The following LHFPL6 variants were observed in gnomAD, a reference collection of about 807,000 sequenced individuals.
The protein encoded by LHFPL6 is LHFPL tetraspan subfamily member 6 protein.
LHFPL6 carries 9 observed loss-of-function variants against 20.6 expected under a neutral mutation model. The ratio of observed to expected loss-of-function variants is 0.44; its 90% CI spans 0.26 to 0.76. LHFPL6 has a LOEUF of 0.76. Ranked by LOEUF, LHFPL6 falls within the 30% of genes least tolerant of loss-of-function variation. The pLI is 0.20. For synonymous variants in LHFPL6, 105 were observed against 98.7 expected (o/e 1.06, Z -0.38); for missense variants, 218 against 253.5 (o/e 0.86, Z 0.95).
At chr13:39,472,874 T>A (rs535613232) in intron 2 of LHFPL6, among the ~76,000 whole-genome samples, 8 of 152,218 alleles carry the variant, frequency 5.3e-5, no homozygotes, top group Admixed American at 2.0e-4. Flanking sequence ...GCCTCCCAAA[T>A]TGCTGGGATT....
At chr13:39,583,258 T>C (rs1205099197) in intron 2 of LHFPL6, among the ~76,000 whole-genome samples, 1 of 149,368 alleles carries the variant, frequency 6.7e-6, no homozygotes, top group African/African-American at 2.5e-5. Context: ...CTGCAACCTC[T>C]GCCTCCCAGG....
At chr13:39,554,917 A>G (rs1422469367) in intron 2 of LHFPL6, among the ~76,000 whole-genome samples, 1 of 152,220 alleles carries the variant, frequency 6.6e-6, no homozygotes, top group Non-Finnish European at 1.5e-5. Context: ...CTCATACAAC[A>G]GTACAATGCT....
intron 2 of LHFPL6, among the ~76,000 whole-genome samples, chr13:39,414,592 ACTTCTT>A (rs10547966): frequency 2.0e-5 from 3 of 151,828 alleles, no homozygotes; most frequent in African/African-American, 7.3e-5. Context: ...TACTGTTTTC[ACTTCTT>A]CTTCTTATTT....
chr13:39,576,133 T>C (rs1872106820), intron 2 of LHFPL6, among the ~76,000 whole-genome samples: 1 of 152,184 alleles, frequency 6.6e-6, no homozygotes, highest in Admixed American at 6.5e-5. Flanking sequence ...TTGGGACTTG[T>C]TCCTATGTCT....
At chr13:39,448,754 G>A (rs746181782) in intron 2 of LHFPL6, among the ~76,000 whole-genome samples, 12 of 152,298 alleles carry the variant, frequency 7.9e-5, no homozygotes, top group Middle Eastern at 3.4e-3. Flanking sequence ...AATCCAACCA[G>A]ATCATTTGGA....
intron 2 of LHFPL6, among the ~76,000 whole-genome samples, chr13:39,439,256 C>A (rs1460951023): frequency 6.6e-6 from 1 of 152,208 alleles, no homozygotes; most frequent in African/African-American, 2.4e-5. Flanking sequence ...GTAATGATTG[C>A]CCTGCTGGGT....
intron 2 of LHFPL6, among the ~76,000 whole-genome samples, chr13:39,383,130 A>AGTC (rs1227753219): frequency 6.6e-6 from 1 of 152,230 alleles, no homozygotes; most frequent in Non-Finnish European, 1.5e-5. Flanking sequence ...CACGAAAAAG[A>AGTC]GTCAGAAGAC....
intron 2 of LHFPL6, among the ~76,000 whole-genome samples, chr13:39,438,141 T>C (rs553352333): frequency 6.6e-6 from 1 of 152,282 alleles, no homozygotes; most frequent in South Asian, 2.1e-4. Flanking sequence ...AGGTCTCAGA[T>C]GGAAATCAGG....
In LHFPL6 at chr13:39,378,517, A is replaced by T. The variant is rs1233812698; in HGVS notation, c.395T>A (p.Ile132Asn). 6.2e-7 allele frequency: 1 copy of T among 1,613,684 alleles called. No homozygotes were observed. The highest frequency in any genetic ancestry group is 8.5e-7 in the Non-Finnish European group (1 of 1,179,694). The part of the protein sequence containing the change: ...GGIQFLGGLL[I>N]GAGCALYPLG... Reference sequence around the variant, plus strand: ...GGGGTAGAGGGCACAGCCAGCACCAATCAACAAGCCTGCAAAGAGATAAGA... The same window carrying T: ...GGGGTAGAGGGCACAGCCAGCACCATTCAACAAGCCTGCAAAGAGATAAGA... The change falls in exon 3 of 4, where the codon ATT becomes AAT. Residue 132 changes from isoleucine (I) to asparagine (N), a missense_variant. Transcript: ENST00000379589.
At chr13:39,559,050 T>C (rs942180582) in intron 2 of LHFPL6, among the ~76,000 whole-genome samples, 1 of 152,194 alleles carries the variant, frequency 6.6e-6, no homozygotes, top group Non-Finnish European at 1.5e-5. Flanking sequence ...ACAGGTTCTG[T>C]TGCAGGCACT....
At chr13:39,361,556 TC>T (rs555847343) in intron 3 of LHFPL6, among the ~76,000 whole-genome samples, 63 of 152,254 alleles carry the variant, frequency 4.1e-4, no homozygotes, top group Non-Finnish European at 7.6e-4. Context: ...GACCTTGTGA[TC>T]CACCCACCTC....
intron 2 of LHFPL6, among the ~76,000 whole-genome samples, chr13:39,515,515 C>A (rs1869881877): frequency 6.6e-6 from 1 of 152,218 alleles, no homozygotes; most frequent in Admixed American, 6.5e-5. Flanking sequence ...AAGGCTGTCG[C>A]CTTTCTCCTT....
At chr13:39,536,691 T>C (rs1025359308) in intron 2 of LHFPL6, among the ~76,000 whole-genome samples, 2 of 152,148 alleles carry the variant, frequency 1.3e-5, no homozygotes, top group Non-Finnish European at 2.9e-5. Flanking sequence ...TTATCTTTCA[T>C]CAGTATTTCC....
At chr13:39,433,504 G>T (rs145918531) in intron 2 of LHFPL6, among the ~76,000 whole-genome samples, 1 of 152,154 alleles carries the variant, frequency 6.6e-6, no homozygotes, top group Non-Finnish European at 1.5e-5. Context: ...AAAAAGCACC[G>T]ATTAAGCCAG....
chr13:39,495,930 GA>G (rs35925766), intron 2 of LHFPL6, among the ~76,000 whole-genome samples: 23,926 of 151,772 alleles, frequency 0.16, 3,092 homozygotes, highest in East Asian at 0.6. Flanking sequence ...CCAGCTAGGT[GA>G]CCAAGGCAGT....
intron 2 of LHFPL6, among the ~76,000 whole-genome samples, chr13:39,561,187 T>A (rs543170603): frequency 6.6e-6 from 1 of 151,936 alleles, no homozygotes; most frequent in South Asian, 2.1e-4. Flanking sequence ...CCACTCCCCA[T>A]ACCCCTCTCT....
In LHFPL6 at chr13:39,343,581, C is replaced by T. The variant is rs1343146530; in HGVS notation, c.*355G>A. Reference sequence around the variant, plus strand: ...AAAAAAAAAAACTAAAACCCAAACCCTTGTTTGTATATGTAGATTTGTTGT... The same window carrying T: ...AAAAAAAAAAACTAAAACCCAAACCTTTGTTTGTATATGTAGATTTGTTGT... On this transcript the variant is annotated 3_prime_UTR_variant, in exon 4 of 4. Coordinates refer to ENST00000379589, the MANE Select transcript of LHFPL6 (RefSeq NM_005780.3). 3 of 231,378 alleles carry T rather than the reference C, an allele frequency of 1.3e-5. No individual in the cohort carries two copies. Among genetic ancestry groups the T allele is most frequent in the Non-Finnish European group, 2.5e-5 (3 of 119,942 alleles). 14.3% of individuals were successfully genotyped at this position (231,378 alleles called of 1,614,324 possible).
At position 39,503,182 on chromosome 13, in the gene LHFPL6, G is replaced by A. The variant is rs376817175; in HGVS notation, c.385+97650C>T. ...GTGACTTATAAATGCTACCTGACCCGGCACCCTCAACCACTGGACACATCG... is the reference window on the plus strand; with the variant it reads ...GTGACTTATAAATGCTACCTGACCCAGCACCCTCAACCACTGGACACATCG... On this transcript the variant is annotated intron_variant, in intron 2 of 3. Coordinates refer to ENST00000379589, the MANE Select transcript of LHFPL6 (RefSeq NM_005780.3). Among the ~76,000 whole-genome samples the A allele has an allele frequency of 5.3e-5, 8 of 152,186 alleles. No homozygotes were observed. In the East Asian group the frequency reaches 5.8e-4, roughly 11 times the overall value.
intron 2 of LHFPL6, among the ~76,000 whole-genome samples, chr13:39,488,671 T>C (rs1868807464): frequency 6.6e-6 from 1 of 152,242 alleles, no homozygotes; most frequent in South Asian, 2.1e-4. Context: ...TTAATCATTA[T>C]AATGTATTTT....
Sources: gnomAD v4.1 joint callset for allele counts (sites outside exome capture counted in the v4.1 genomes callset) on GRCh38, gnomAD v4.1.1 for gene constraint, MANE v1.5 for transcripts, NCBI Gene and HGNC (gene_info 2026-07-23, HGNC 2026-07-21) for gene names.